TYR: variants seen among roughly 807,000 people sequenced by gnomAD.
The protein encoded by TYR is LB24-AB.
TYR carries 58 observed loss-of-function variants against 51.5 expected under a neutral mutation model. The observed-to-expected ratio is 1.13, with a 90% confidence interval of 0.91 to 1.40. The LOEUF (loss-of-function observed/expected upper bound fraction) is 1.40. Among genes scored for constraint, TYR ranks in the 40% most tolerant of loss-of-function variants. TYR has a pLI of 0.00. For missense variants in TYR, 732 were observed against 647.4 expected (o/e 1.13, Z -1.42); for synonymous variants, 263 against 235.2 (o/e 1.12, Z -1.08).
At chr11:89,253,537 G>T (rs113408208) in intron 3 of TYR, among the ~76,000 whole-genome samples, 1 of 151,568 alleles carries the variant, frequency 6.6e-6, no homozygotes, top group Non-Finnish European at 1.5e-5. Flanking sequence ...CTTTCACCTC[G>T]TTGGTTAGGT....
At chr11:89,211,045 C>A (rs1438209333) in intron 2 of TYR, among the ~76,000 whole-genome samples, 1 of 152,146 alleles carries the variant, frequency 6.6e-6, no homozygotes, top group Non-Finnish European at 1.5e-5. Context: ...TATGAAGAAA[C>A]TGCATCAATT....
At chr11:89,230,769 C>T (rs1355732701) in intron 3 of TYR, among the ~76,000 whole-genome samples, 2 of 151,874 alleles carry the variant, frequency 1.3e-5, no homozygotes, top group Non-Finnish European at 2.9e-5. Context: ...CCAACAGGTA[C>T]ATGAAAAGAT....
At chr11:89,285,291 C>T (rs1387124499) in intron 4 of TYR, among the ~76,000 whole-genome samples, 4 of 151,712 alleles carry the variant, frequency 2.6e-5, no homozygotes. Flanking sequence ...CCCTGAATCT[C>T]AGTTTATTCA....
intron 3 of TYR, among the ~76,000 whole-genome samples, chr11:89,242,599 C>T (rs370472751): frequency 2.6e-5 from 4 of 152,146 alleles, no homozygotes; most frequent in African/African-American, 7.2e-5. Context: ...AACTAGAGAG[C>T]TCTATTCTGA....
Position 89,191,335 on chromosome 11 carries a change from T to C in TYR, c.953T>C (p.Val318Ala). 1.2e-6 allele frequency: 2 copies of C among 1,613,792 alleles called. No homozygotes were observed. The highest frequency in any genetic ancestry group is 1.7e-6 in the Non-Finnish European group (2 of 1,179,802). Residue 318 changes from valine (V) to alanine (A), a missense_variant, in exon 2 of 5, where the codon GTA becomes GCA. Val to Ala is a moderately conservative substitution (Grantham distance 64, BLOSUM62 0). Transcript: ENST00000263321. ...CCAAGGCTCCCCTCTTCAGCTGATG[T>C]AGAATTTTGCCTGAGTTTGACCCAA... is the stretch of plus-strand genomic sequence containing the variant. ...RTPRLPSSAD[V>A]EFCLSLTQYE...
intron 2 of TYR, among the ~76,000 whole-genome samples, chr11:89,194,497 T>G (rs970547268): frequency 6.0e-5 from 9 of 150,896 alleles, no homozygotes; most frequent in Admixed American, 5.9e-4. Flanking sequence ...GGAGACATTT[T>G]AAGACTATGC....
chr11:89,261,132 A>C (rs7111110), intron 3 of TYR, among the ~76,000 whole-genome samples: 3 of 152,142 alleles, frequency 2.0e-5, no homozygotes, highest in African/African-American at 7.2e-5. Context: ...TATTCAACAC[A>C]AAAGAAGGCA....
intron 2 of TYR, among the ~76,000 whole-genome samples, chr11:89,224,337 A>C (rs1418906179): frequency 1.3e-5 from 2 of 152,198 alleles, no homozygotes; most frequent in Non-Finnish European, 2.9e-5. Context: ...CCAACTGATA[A>C]GTGGACATTA....
intron 3 of TYR, among the ~76,000 whole-genome samples, chr11:89,258,165 C>A (rs1944416880): frequency 6.6e-6 from 1 of 151,882 alleles, no homozygotes; most frequent in Non-Finnish European, 1.5e-5. Context: ...GGAAAATTTT[C>A]TTCTCAAATG....
At chr11:89,243,323 T>C (rs1944223918) in intron 3 of TYR, among the ~76,000 whole-genome samples, 1 of 152,176 alleles carries the variant, frequency 6.6e-6, no homozygotes, top group Non-Finnish European at 1.5e-5. Flanking sequence ...CTTCAGCTTC[T>C]GCATTCTTCC....
chr11:89,229,901 A>C (rs1944024742), intron 3 of TYR, among the ~76,000 whole-genome samples: 1 of 152,092 alleles, frequency 6.6e-6, no homozygotes, highest in Non-Finnish European at 1.5e-5. Context: ...AGAACACAAA[A>C]ATAAATAAAA....
chr11:89,252,341 G>A (rs909839616), intron 3 of TYR, among the ~76,000 whole-genome samples: 1 of 151,640 alleles, frequency 6.6e-6, no homozygotes, highest in African/African-American at 2.4e-5. Context: ...TAGGAAGCTG[G>A]CCTGTACCTT....
intron 3 of TYR, among the ~76,000 whole-genome samples, chr11:89,273,228 T>G (rs1944611475): frequency 6.6e-6 from 1 of 151,944 alleles, no homozygotes; most frequent in Non-Finnish European, 1.5e-5. Context: ...TCTAGGTAAT[T>G]ATTCCTACCT....
chr11:89,202,118 A>G (rs898140180), intron 2 of TYR, among the ~76,000 whole-genome samples: 1 of 152,152 alleles, frequency 6.6e-6, no homozygotes, highest in Admixed American at 6.6e-5. Context: ...GTGGAGATAT[A>G]GATATATCAC....
chr11:89,237,943 C>G (rs1199978565), intron 3 of TYR, among the ~76,000 whole-genome samples: 2 of 152,032 alleles, frequency 1.3e-5, no homozygotes, highest in Admixed American at 1.3e-4. Context: ...TCAAGCGAGT[C>G]TTGTGCCTCA....
intron 3 of TYR, among the ~76,000 whole-genome samples, chr11:89,231,709 C>T (rs914238395): frequency 2.8e-5 from 4 of 142,496 alleles, no homozygotes; most frequent in Admixed American, 6.9e-5. Context: ...GTAGGCTGAG[C>T]GCAGTGGATC....
chr11:89,269,417 A>G (rs1007746760), intron 3 of TYR, among the ~76,000 whole-genome samples: 2 of 151,932 alleles, frequency 1.3e-5, no homozygotes, highest in African/African-American at 4.8e-5. Flanking sequence ...CTGGATGCAC[A>G]TTGAATTATT....
rs554015392 is a variant in TYR, at chr11:89,294,510, C to T, written c.1367-633C>T. On this transcript the variant is annotated intron_variant, in intron 4 of 4. Coordinates refer to ENST00000263321, the MANE Select transcript of TYR (RefSeq NM_000372.5). ...GAGAAACAAAGGCCCAGAGTGCGGA[C>T]GCTCCAGGGTACCGCGGCACAGGGC... Among the ~76,000 whole-genome samples, 13 of 152,282 alleles carry T rather than the reference C, an allele frequency of 8.5e-5. No individual in the cohort carries two copies. The South Asian group carries it at 1.0e-3, about 12-fold the overall frequency.
intron 3 of TYR, among the ~76,000 whole-genome samples, chr11:89,256,070 A>G (rs1944387743): frequency 6.6e-6 from 1 of 151,746 alleles, no homozygotes; most frequent in Non-Finnish European, 1.5e-5. Flanking sequence ...TTATAGAATC[A>G]GGGTGAAATA....
Sources: gnomAD v4.1 joint callset for allele counts (sites outside exome capture counted in the v4.1 genomes callset) on GRCh38, gnomAD v4.1.1 for gene constraint, MANE v1.5 for transcripts, NCBI Gene and HGNC (gene_info 2026-07-23, HGNC 2026-07-21) for gene names.